Variants in DERA observed in about 807,000 individuals in gnomAD.
DERA encodes the protein 2-deoxy-D-ribose 5-phosphate aldolase.
In DERA, 15 loss-of-function variants were observed where a neutral mutation model predicts 41.1. The observed-to-expected ratio is 0.37, with a 90% CI of 0.24 to 0.56. The LOEUF (loss-of-function observed/expected upper bound fraction) is 0.56. Ranked by LOEUF, DERA falls within the 20% of genes least tolerant of loss-of-function variation. DERA has a pLI of 0.81. For missense variants in DERA, 396 were observed against 403.4 expected, an observed-to-expected ratio of 0.98 and a Z score of 0.16; for synonymous variants, 139 against 137.4, an observed-to-expected ratio of 1.01 and a Z score of -0.08.
chr12:15,962,798 T>C lies in DERA; in HGVS notation c.374-15T>C. Reference sequence around the variant, plus strand: ...TCCTTCCCTCTTTCTTCATTTCCTTTCTTAACTCTATTAGTGGCCGCTGGA... The same window carrying C: ...TCCTTCCCTCTTTCTTCATTTCCTTCCTTAACTCTATTAGTGGCCGCTGGA... On this transcript the variant is annotated splice_polypyrimidine_tract_variant and intron_variant, in intron 4 of 8. Transcript: ENST00000428559. 2.0e-6 allele frequency: 3 copies of C among 1,533,180 alleles called. No individual in the cohort carries two copies. The highest frequency in any genetic ancestry group is 2.8e-5 in the African/African-American group (2 of 72,362). The allele number at this position is 1,533,180 out of a possible 1,614,324, so 95.0% of individuals were successfully genotyped here.
rs1168325695 is a variant in DERA, at chr12:15,957,843, GTTC to G, written c.130-339_130-337del. Among the ~76,000 whole-genome samples, 26 of 152,328 alleles carry G rather than the reference GTTC, an allele frequency of 1.7e-4. No homozygotes were observed. The Middle Eastern group carries it at 0.014, about 80-fold the overall frequency. On this transcript the variant is annotated intron_variant, in intron 2 of 8. Transcript: ENST00000428559. This position sits in a 1 kb window ranked among gnomAD's most constrained non-coding sequence, Gnocchi z 4.8. ...TGTAAGGTAGAAACCTTCTTTCGGA[GTTC>G]TTCTTTGTCAGGGTGGCTCTGATGG... is the stretch of plus-strand genomic sequence containing the variant.
intron 6 of DERA, among the ~76,000 whole-genome samples, chr12:15,991,025 A>G (rs1206096586): frequency 6.6e-6 from 1 of 152,168 alleles, no homozygotes; most frequent in Non-Finnish European, 1.5e-5. Context: ...TCTTTGAGGA[A>G]TCGCCATATT....
intron 1 of DERA, among the ~76,000 whole-genome samples, chr12:15,955,331 T>C (rs1201805243): frequency 6.8e-6 from 1 of 148,068 alleles, no homozygotes; most frequent in Non-Finnish European, 1.5e-5. Context: ...TGCGTTTGAG[T>C]AGGGGGTGTT....
Position 15,936,891 on chromosome 12 carries a change from C to T in DERA, c.32-20045C>T, listed in dbSNP as rs7306301. 0.3 allele frequency among the ~76,000 whole-genome samples: 28,700 copies of T among 96,680 alleles called. 2,994 individuals are homozygous for T. Among genetic ancestry groups the T allele is most frequent in the East Asian group, 0.41 (593 of 1,440 alleles). The allele number at this position is 96,680 out of a possible 152,430, so 63.4% of individuals were successfully genotyped here. On this transcript the variant is annotated intron_variant, in intron 1 of 8. Coordinates refer to ENST00000428559, the MANE Select transcript of DERA (RefSeq NM_015954.4). This position sits in a 1 kb window ranked among gnomAD's most constrained non-coding sequence, Gnocchi z 4.6. ...TTGTCTTGTCTTGTCTTGTCTTGTC[C>T]TGTCCTGTCCTGTCCTGTCCTGTCC...
intron 1 of DERA, among the ~76,000 whole-genome samples, chr12:15,933,207 A>G (rs1948341927): frequency 6.6e-6 from 1 of 152,144 alleles, no homozygotes; most frequent in Non-Finnish European, 1.5e-5. Flanking sequence ...GCCGGATCAT[A>G]TGGTAGTTCT....
chr12:15,932,557 G>T (rs1325349773), intron 1 of DERA, among the ~76,000 whole-genome samples: 1 of 151,980 alleles, frequency 6.6e-6, no homozygotes, highest in African/African-American at 2.4e-5. Flanking sequence ...TGGGAGGATT[G>T]CTTGAGCCTG....
At position 15,966,972 on chromosome 12, in the gene DERA, C is replaced by T. The variant is rs1948627574; in HGVS notation, c.508+4025C>T. Among the ~76,000 whole-genome samples, 1 of 152,130 alleles carries T rather than the reference C, an allele frequency of 6.6e-6. No individual in the cohort carries two copies. ...TCCGTTGTATCACTACACCATGTTGCATTTTACCCATCATTTACATATAAG... is the reference window on the plus strand; with the variant it reads ...TCCGTTGTATCACTACACCATGTTGTATTTTACCCATCATTTACATATAAG... On this transcript the variant is annotated intron_variant, in intron 5 of 8. Transcript: ENST00000428559. This position sits in a 1 kb window ranked among gnomAD's most constrained non-coding sequence, Gnocchi z 5.1.
chr12:15,921,044 T>G lies in DERA; in HGVS notation c.31+9630T>G, dbSNP rs1210743725. On this transcript the variant is annotated intron_variant, in intron 1 of 8. Transcript: ENST00000428559. The surrounding 1 kb of genome is among the most constrained non-coding windows in gnomAD (Gnocchi z 5.3). The stretch of plus-strand genomic sequence containing the variant: ...TGTTTTTTTGATAAATCTTATGTCA[T>G]TTTTACCTTAATCTTATTATCTTTA... 6.6e-6 allele frequency among the ~76,000 whole-genome samples: 1 copy of G among 152,202 alleles called. No homozygotes were observed. Among genetic ancestry groups the G allele is most frequent in the Non-Finnish European group, 1.5e-5 (1 of 68,032 alleles).
At chr12:15,919,355 C>T (rs1246540112) in intron 1 of DERA, among the ~76,000 whole-genome samples, 1 of 151,902 alleles carries the variant, frequency 6.6e-6, no homozygotes, top group East Asian at 1.9e-4. Context: ...GATGCTTCTG[C>T]CAGGAAAGAA....
chr12:15,965,548 G>A lies in DERA; in HGVS notation c.508+2601G>A, dbSNP rs2136151699. Among the ~76,000 whole-genome samples, 1 of 152,198 alleles carries A rather than the reference G, an allele frequency of 6.6e-6. No homozygotes were observed. On this transcript the variant is annotated intron_variant, in intron 5 of 8. Coordinates refer to ENST00000428559, the MANE Select transcript of DERA (RefSeq NM_015954.4). This position sits in a 1 kb window ranked among gnomAD's most constrained non-coding sequence, Gnocchi z 4.1. ...CCCATTTTTTAAACCTGGCCCTTCAGAGTGGTCTTAACCATTTCTCATGGA... is the reference window on the plus strand; with the variant it reads ...CCCATTTTTTAAACCTGGCCCTTCAAAGTGGTCTTAACCATTTCTCATGGA...
At position 15,954,879 on chromosome 12, in the gene DERA, C is replaced by T. The variant is rs184605124; in HGVS notation, c.32-2057C>T. On this transcript the variant is annotated intron_variant, in intron 1 of 8. Coordinates refer to ENST00000428559, the MANE Select transcript of DERA (RefSeq NM_015954.4). This position sits in a 1 kb window ranked among gnomAD's most constrained non-coding sequence, Gnocchi z 4.0. ...TAATAGGCCTACCTCTTTTTGATCA[C>T]GGTCAACAATTAGTTGGCAGTGAGT... Among the ~76,000 whole-genome samples, 125 of 152,144 alleles carry T rather than the reference C, an allele frequency of 8.2e-4. 1 individual carries two copies. Among genetic ancestry groups the T allele is most frequent in the African/African-American group, 2.7e-3 (114 of 41,518 alleles).
At position 15,984,137 on chromosome 12, in the gene DERA, G is replaced by T. The variant is rs1489665633; in HGVS notation, c.637+1701G>T. Among the ~76,000 whole-genome samples, 1 of 152,166 alleles carries T rather than the reference G, an allele frequency of 6.6e-6. No homozygotes were observed. Among genetic ancestry groups the T allele is most frequent in the Non-Finnish European group, 1.5e-5 (1 of 68,032 alleles). ...ATACTTTGTGGTAGCCACGCTGTTG[G>T]TTGTGCACATGGAGCTGAGATACTC... is the stretch of plus-strand genomic sequence containing the variant. On this transcript the variant is annotated intron_variant, in intron 6 of 8. Coordinates refer to ENST00000428559, the MANE Select transcript of DERA (RefSeq NM_015954.4). The surrounding 1 kb of genome is among the most constrained non-coding windows in gnomAD (Gnocchi z 4.5).
In DERA at chr12:15,967,527, A is replaced by G. The variant is rs1948631115; in HGVS notation, c.508+4580A>G. ...ATTTAATTTTTTCTTGATTATTCCAAACTGTTTCATTACTGATTATATTAT... is the reference window on the plus strand; with the variant it reads ...ATTTAATTTTTTCTTGATTATTCCAGACTGTTTCATTACTGATTATATTAT... On this transcript the variant is annotated intron_variant, in intron 5 of 8. Transcript: ENST00000428559. The surrounding 1 kb of genome is among the most constrained non-coding windows in gnomAD (Gnocchi z 4.9). 6.6e-6 allele frequency among the ~76,000 whole-genome samples: 1 copy of G among 152,184 alleles called. No homozygotes were observed. Among genetic ancestry groups the G allele is most frequent in the Non-Finnish European group, 1.5e-5 (1 of 68,040 alleles).
rs1948740051 is a variant in DERA at position 15,982,558 on chromosome 12, GA to G, written c.637+124del. Reference sequence around the variant, plus strand: ...ACCACTTGGAATTTTTTTGCGGGAGGAATCGGATATTTTGTAAAAACATGTT... The same window carrying G: ...ACCACTTGGAATTTTTTTGCGGGAGGATCGGATATTTTGTAAAAACATGTT... On this transcript the variant is annotated intron_variant, in intron 6 of 8. Coordinates refer to ENST00000428559, the MANE Select transcript of DERA (RefSeq NM_015954.4). The surrounding 1 kb of genome is among the most constrained non-coding windows in gnomAD (Gnocchi z 4.0). 9.6e-7 allele frequency: 1 copy of G among 1,036,568 alleles called. No homozygotes were observed. The highest frequency in any genetic ancestry group is 1.4e-6 in the Non-Finnish European group (1 of 721,642). The allele number at this position is 1,036,568 out of a possible 1,614,324, so 64.2% of individuals were successfully genotyped here. A position where few individuals can be genotyped will look rare whatever the true frequency, so the allele number is the denominator to read the frequency against.
In DERA at chr12:15,928,935, T is replaced by TCTGTAG. The variant is rs1245943715; in HGVS notation, c.31+17526_31+17531dup. Among the ~76,000 whole-genome samples, 3 of 152,218 alleles carry TCTGTAG rather than the reference T, an allele frequency of 2.0e-5. No homozygotes were observed. Among genetic ancestry groups the TCTGTAG allele is most frequent in the African/African-American group, 7.2e-5 (3 of 41,456 alleles). The stretch of plus-strand genomic sequence containing the variant: ...ACCTTACTTTTCTCAGCCTTCTAGA[T>TCTGTAG]CTGTAGCTGTTAAATCCTGTCCTGC... On this transcript the variant is annotated intron_variant, in intron 1 of 8. Coordinates refer to ENST00000428559, the MANE Select transcript of DERA (RefSeq NM_015954.4). This position sits in a 1 kb window ranked among gnomAD's most constrained non-coding sequence, Gnocchi z 4.6.
intron 6 of DERA, among the ~76,000 whole-genome samples, chr12:16,028,749 T>A (rs1949070487): frequency 6.6e-6 from 1 of 152,164 alleles, no homozygotes; most frequent in Admixed American, 6.5e-5. Context: ...ATAACCTCAG[T>A]CCAGTGATGA....
intron 1 of DERA, among the ~76,000 whole-genome samples, chr12:15,947,764 G>A (rs1948462787): frequency 6.6e-6 from 1 of 152,162 alleles, no homozygotes; most frequent in Non-Finnish European, 1.5e-5. Flanking sequence ...ATGTTAGCTG[G>A]TTATTTTGCT....
At chr12:15,958,724 G>A (rs1948560594) in intron 3 of DERA, among the ~76,000 whole-genome samples, 1 of 152,040 alleles carries the variant, frequency 6.6e-6, no homozygotes. Context: ...TTTTCTGTGA[G>A]TATATGAAAT....
chr12:15,999,384 G>A lies in DERA; in HGVS notation c.637+16948G>A, dbSNP rs949544296. On this transcript the variant is annotated intron_variant, in intron 6 of 8. Transcript: ENST00000428559. This position sits in a 1 kb window ranked among gnomAD's most constrained non-coding sequence, Gnocchi z 5.3. ...GTGTGGTGAAGAAGTGAAAAATAGGGTTTATGATTTGTCATTTTGGGAAAG... is the reference window on the plus strand; with the variant it reads ...GTGTGGTGAAGAAGTGAAAAATAGGATTTATGATTTGTCATTTTGGGAAAG... Among the ~76,000 whole-genome samples, 1 of 152,160 alleles carries A rather than the reference G, an allele frequency of 6.6e-6. No individual in the cohort carries two copies. Among genetic ancestry groups the A allele is most frequent in the Non-Finnish European group, 1.5e-5 (1 of 68,010 alleles).
Sources: allele counts gnomAD v4.1 joint callset (sites outside exome capture counted in the v4.1 genomes callset), GRCh38; gene constraint gnomAD v4.1.1; non-coding constraint Gnocchi (gnomAD v3.1); transcripts MANE v1.5; gene names NCBI Gene and HGNC (gene_info 2026-07-23, HGNC 2026-07-21).